The following MYH4 variants were observed in gnomAD, a reference collection of about 807,000 sequenced individuals.
The protein encoded by MYH4 is myosin heavy chain 4.
MYH4 carries 200 observed loss-of-function variants against 229.9 expected under a neutral mutation model. The ratio of observed to expected loss-of-function variants is 0.87; its 90% CI spans 0.78 to 0.98. The LOEUF is 0.98. Among genes scored for constraint, MYH4 ranks in the 50% least tolerant of loss-of-function variants. The pLI, the probability that MYH4 is intolerant of heterozygous loss-of-function variation, is 0.00. For synonymous variants in MYH4, 761 were observed against 834.6 expected (o/e 0.91, Z 1.52); for missense variants, 2,148 against 2,332.6 (o/e 0.92, Z 1.63).
In MYH4 at chr17:10,455,189, T is replaced by C. The variant is rs1442781815; in HGVS notation, c.2281A>G (p.Lys761Glu). Residue 761 changes from lysine (K) to glutamate (E), a missense_variant, in exon 20 of 40, where the codon AAA (lysine) becomes GAA (glutamate). Physicochemically the swap from Lys to Glu is moderately conservative, Grantham distance 56 (BLOSUM62 1). Coordinates refer to ENST00000255381, the MANE Select transcript of MYH4 (RefSeq NM_017533.2). The part of the protein sequence containing the change: ...GSIEIDHTQY[K>E]FGHTKVFFKA... ...GGTGATACCTTGGTATGACCGAATT[T>C]GTACTGGGTGTGGTCAATTTCAATA... 9 of 1,614,088 alleles carry C rather than the reference T, an allele frequency of 5.6e-6. No homozygotes were observed. In the South Asian group the frequency reaches 9.9e-5, roughly 18 times the overall value.
At position 10,444,665 on chromosome 17, in the gene MYH4, T is replaced by A; in HGVS notation, c.5606A>T (p.Gln1869Leu). 6.2e-7 allele frequency: 1 copy of A among 1,614,060 alleles called. No homozygotes were observed. Among genetic ancestry groups the A allele is most frequent in the Non-Finnish European group, 8.5e-7 (1 of 1,180,000 alleles). The change falls in exon 39 of 40, where the codon CAG (glutamine) becomes CTG (leucine). Residue 1869 changes from glutamine to leucine, a missense_variant. Physicochemically the swap from Gln to Leu is moderately radical, Grantham distance 113. Transcript: ENST00000255381. ...GGTTTGCAATTTGTCCACCAAGTCC[T>A]GCAGCCTGAGAATATTCTTGCGGTC... ...EEDRKNILRL[Q>L]DLVDKLQTKV...
At position 10,454,990 on chromosome 17, in the gene MYH4, A is replaced by G. The variant is rs1384811893; in HGVS notation, c.2386T>C (p.Cys796Arg). The G allele has an allele frequency of 6.2e-7, 1 of 1,614,086 alleles. No individual in the cohort carries two copies. The highest frequency in any genetic ancestry group is 1.3e-5 in the African/African-American group (1 of 74,922). The change falls in exon 21 of 40, where the codon TGC becomes CGC. Residue 796 changes from cysteine to arginine, a missense_variant. Transcript: ENST00000255381. ...AQLITRTQAI[C>R]RGFLMRVEFR... ...TCCACTCTCATCAGGAACCCTCTGC[A>G]TATGGCTTGAGTGCGCGTGATGAGT...
At chr17:10,461,244 G>A (rs1392621360) in intron 11 of MYH4, among the ~76,000 whole-genome samples, 190 bp from the exon 12 acceptor site, 1 of 152,100 alleles carries the variant, frequency 6.6e-6, no homozygotes, top group Non-Finnish European at 1.5e-5. Flanking sequence ...GTATGCATCA[G>A]TCTTTCCATT....
chr17:10,451,810 G>C, intron 27 of MYH4, 131 bp downstream of exon 27: 1 of 1,140,814 alleles, frequency 8.8e-7, no homozygotes. Context: ...ACAATAATGT[G>C]TACTAGGAGT....
In MYH4 at chr17:10,453,235, T is replaced by G; in HGVS notation, c.3028A>C (p.Thr1010Pro). 3.7e-6 allele frequency: 6 copies of G among 1,614,030 alleles called. No homozygotes were observed. The highest frequency in any genetic ancestry group is 5.1e-6 in the Non-Finnish European group (6 of 1,179,996). Residue 1010 changes from threonine (T) to proline (P), a missense_variant, in exon 24 of 40, where the codon ACC (threonine) becomes CCC (proline). Transcript: ENST00000255381. ...KKALQEAHQQ[T>P]LDDLQMEEDK... Reference sequence around the variant, plus strand: ...TCCTCCATCTGCAGGTCATCCAGGGTCTGCTGGTGGGCCTCCTGGAGAGCC... The same window carrying G: ...TCCTCCATCTGCAGGTCATCCAGGGGCTGCTGGTGGGCCTCCTGGAGAGCC...
At position 10,463,318 on chromosome 17, in the gene MYH4, A is replaced by T. The variant is rs979629292; in HGVS notation, c.805+20T>A. 9.4e-6 allele frequency: 15 copies of T among 1,591,592 alleles called. No homozygotes were observed. The highest frequency in any genetic ancestry group is 1.3e-5 in the Non-Finnish European group (15 of 1,166,302). ...CCCACAAAGAAAAAGATTCTCAATCACTAATATTTATTAACTTACATGTTT... is the reference window on the plus strand; with the variant it reads ...CCCACAAAGAAAAAGATTCTCAATCTCTAATATTTATTAACTTACATGTTT... On this transcript the variant is annotated intron_variant, in intron 9 of 39. Coordinates refer to ENST00000255381, the MANE Select transcript of MYH4 (RefSeq NM_017533.2).
intron 29 of MYH4, 30 bp from the exon 30 acceptor site, chr17:10,450,679 G>A (rs748019661): frequency 6.2e-7 from 1 of 1,612,456 alleles, no homozygotes; most frequent in Non-Finnish European, 8.5e-7. Flanking sequence ...TGTGATATAA[G>A]TTTATCTTCT....
At chr17:10,466,203 C>T (rs1299423185) in intron 4 of MYH4, 70 bp downstream of exon 4, 2 of 1,557,690 alleles carry the variant, frequency 1.3e-6, no homozygotes, top group South Asian at 1.2e-5. Flanking sequence ...TATTGAAACC[C>T]CTTAATTTAT....
chr17:10,450,009 G>T (rs1221964171), intron 30 of MYH4, among the ~76,000 whole-genome samples: 1 of 152,070 alleles, frequency 6.6e-6, no homozygotes, highest in African/African-American at 2.4e-5. Context: ...ATTGATATAG[G>T]TTGTTAGTTG....
intron 15 of MYH4, 61 bp from the exon 16 acceptor site, chr17:10,457,790 A>G (rs1189639445): frequency 6.6e-7 from 1 of 1,523,110 alleles, no homozygotes; most frequent in Non-Finnish European, 8.8e-7. Context: ...GCTCCATGTA[A>G]TTGATGGAAA....
chr17:10,468,444 G>A (rs569375310), intron 2 of MYH4, among the ~76,000 whole-genome samples: 1 of 152,302 alleles, frequency 6.6e-6, no homozygotes, highest in South Asian at 2.1e-4. Flanking sequence ...CACATGAACA[G>A]TGTTTTCTGT....
intron 4 of MYH4, 127 bp downstream of exon 4, chr17:10,466,146 C>T (rs1197460719): frequency 8.8e-7 from 1 of 1,142,124 alleles, no homozygotes; most frequent in African/African-American, 1.6e-5. Flanking sequence ...GAGTTTACAA[C>T]ATTAACCAAA....
At chr17:10,468,220 T>C (rs2072787554) in intron 2 of MYH4, among the ~76,000 whole-genome samples, 1 of 152,220 alleles carries the variant, frequency 6.6e-6, no homozygotes, top group South Asian at 2.1e-4. Flanking sequence ...GCAACTTGAA[T>C]TAACAACACA....
intron 27 of MYH4, 97 bp downstream of exon 27, chr17:10,451,844 T>A: frequency 6.9e-7 from 1 of 1,443,930 alleles, no homozygotes; most frequent in Non-Finnish European, 9.3e-7. Context: ...AGATGCCATC[T>A]AATGTTTGTG....
At chr17:10,460,147 T>C (rs1369133552) in intron 13 of MYH4, 46 bp from the exon 14 acceptor site, 4 of 1,613,486 alleles carry the variant, frequency 2.5e-6, no homozygotes, top group African/African-American at 2.7e-5. Flanking sequence ...AAAACAGTGA[T>C]GAACTCCTGA....
chr17:10,464,653 C>T (rs1483868716), intron 6 of MYH4, 28 bp downstream of exon 6: 1 of 1,613,512 alleles, frequency 6.2e-7, no homozygotes, highest in African/African-American at 1.3e-5. Flanking sequence ...ATGATCAAAA[C>T]AGAAAGAAAG....
Position 10,459,973 on chromosome 17 carries a change from A to G in MYH4, c.1395T>C (p.Ile465=), listed in dbSNP as rs1408920109. ...TCACATCAAAGATCTCAAAGCCAGCAATGTCCAAGACCCCGATGAAGTACT... is the reference window on the plus strand; with the variant it reads ...TCACATCAAAGATCTCAAAGCCAGCGATGTCCAAGACCCCGATGAAGTACT... The part of the protein sequence containing the change: ...PRQYFIGVLD[I]AGFEIFDFNS... The change falls in exon 14 of 40, where the codon ATT becomes ATC. Residue 465 remains isoleucine (I), a synonymous_variant. Transcript: ENST00000255381. The G allele has an allele frequency of 1.6e-5, 26 of 1,613,896 alleles. No homozygotes were observed. The highest frequency in any genetic ancestry group is 2.1e-5 in the Non-Finnish European group (25 of 1,179,942).
intron 27 of MYH4, 116 bp downstream of exon 27, chr17:10,451,825 T>C: frequency 1.5e-6 from 2 of 1,337,984 alleles, no homozygotes; most frequent in Non-Finnish European, 2.0e-6. Flanking sequence ...AGGAGTAAGT[T>C]TAAGCTTCAG....
intron 35 of MYH4, 120 bp downstream of exon 35, chr17:10,446,893 C>T: frequency 2.0e-6 from 2 of 996,786 alleles, no homozygotes; most frequent in Non-Finnish European, 2.9e-6. Context: ...GCACCCTGTA[C>T]ATTTTCCAGA....
Sources: gnomAD v4.1 joint callset for allele counts (sites outside exome capture counted in the v4.1 genomes callset) on GRCh38, gnomAD v4.1.1 for gene constraint, MANE v1.5 for transcripts, NCBI Gene and HGNC (gene_info 2026-07-23, HGNC 2026-07-21) for gene names.